Variants in AKAP6 observed in about 807,000 individuals in gnomAD.
AKAP6 encodes the protein A-kinase anchor protein 6.
In AKAP6, 58 loss-of-function variants were observed where a neutral mutation model predicts 188.5. The ratio of observed to expected loss-of-function variants is 0.31; its 90% CI spans 0.25 to 0.38. The LOEUF (loss-of-function observed/expected upper bound fraction) is 0.38. AKAP6 is among the 10% of genes least tolerant of loss of function. AKAP6 has a pLI of 1.00. For synonymous variants in AKAP6, 989 were observed against 998.6 expected (o/e 0.99, Z 0.18); for missense variants, 2,710 against 2,740.0 (o/e 0.99, Z 0.24).
chr14:32,417,762 T>A (rs1889710351), intron 1 of AKAP6: 1 of 146,550 alleles, frequency 6.8e-6, no homozygotes, highest in African/African-American at 2.8e-5. Flanking sequence ...TTCTTCAGGC[T>A]TTTTTTTGTA....
At chr14:32,701,834 A>G (rs376793105) in intron 9 of AKAP6, among the ~76,000 whole-genome samples, 5 of 152,280 alleles carry the variant, frequency 3.3e-5, no homozygotes, top group South Asian at 4.1e-4. Flanking sequence ...TTGAGCCCCT[A>G]AAAGTGTAAT....
intron 2 of AKAP6, among the ~76,000 whole-genome samples, chr14:32,478,909 A>C (rs559860754): frequency 5.9e-5 from 9 of 152,288 alleles, no homozygotes; most frequent in African/African-American, 1.9e-4. Context: ...TCAGAATAAA[A>C]TTAGTATCCA....
At chr14:32,389,626 A>G (rs777815720) in intron 1 of AKAP6, among the ~76,000 whole-genome samples, 9 of 152,014 alleles carry the variant, frequency 5.9e-5, no homozygotes, top group South Asian at 2.1e-4. Context: ...TTGGATATAA[A>G]ATTTTTGGCT....
At chr14:32,604,554 C>A (rs1412798067) in intron 7 of AKAP6, among the ~76,000 whole-genome samples, 5 of 152,162 alleles carry the variant, frequency 3.3e-5, no homozygotes, top group Non-Finnish European at 7.3e-5. Flanking sequence ...CTTGGGCAAA[C>A]ACATATAATA....
At chr14:32,716,830 G>T (rs1163808876) in intron 9 of AKAP6, among the ~76,000 whole-genome samples, 1 of 151,794 alleles carries the variant, frequency 6.6e-6, no homozygotes, top group Non-Finnish European at 1.5e-5. Context: ...TGGGAAATTT[G>T]CAGTCTTGCT....
intron 12 of AKAP6, among the ~76,000 whole-genome samples, chr14:32,811,556 C>T (rs761923892): frequency 7.9e-5 from 12 of 152,096 alleles, no homozygotes; most frequent in Admixed American, 7.2e-4. Context: ...TGGGGACTTG[C>T]GTGATTGGCA....
At chr14:32,618,895 G>T (rs1047459083) in intron 7 of AKAP6, among the ~76,000 whole-genome samples, 1 of 151,922 alleles carries the variant, frequency 6.6e-6, no homozygotes, top group Non-Finnish European at 1.5e-5. Context: ...CATTCTGGCT[G>T]GGGTAAGGTG....
Position 32,454,948 on chromosome 14 carries a change from C to T in AKAP6, c.324+21131C>T, listed in dbSNP as rs115289362. Among the ~76,000 whole-genome samples, 562 of 136,760 alleles carry T rather than the reference C, an allele frequency of 4.1e-3. 19 individuals carry two copies. The highest frequency in any genetic ancestry group is 0.015 in the African/African-American group (501 of 33,186). 89.7% of individuals were successfully genotyped at this position (136,760 alleles called of 152,430 possible). ...CCTTCCCTGCTTTCTCTCTTCCTCT[C>T]TTCCTCTGTTTCTCCCTTTCTCCCT... On this transcript the variant is annotated intron_variant, in intron 2 of 13. Transcript: ENST00000280979.
intron 1 of AKAP6, among the ~76,000 whole-genome samples, chr14:32,329,734 CA>C (rs1886471086): frequency 6.6e-6 from 1 of 152,040 alleles, no homozygotes; most frequent in Admixed American, 6.6e-5. Flanking sequence ...AGTATTTAAG[CA>C]TTGTAAAAAT....
chr14:32,584,277 A>G lies in AKAP6; in HGVS notation c.2469+7035A>G, dbSNP rs1016010304. 3.9e-5 allele frequency among the ~76,000 whole-genome samples: 6 copies of G among 152,334 alleles called. No individual in the cohort carries two copies. In the Middle Eastern group the frequency reaches 0.01, roughly 259 times the overall value. Reference sequence around the variant, plus strand: ...TAACCTGGATGATTACTAAGTGACTAATGAGCAGGTAGCATATACAGCATA... The same window carrying G: ...TAACCTGGATGATTACTAAGTGACTGATGAGCAGGTAGCATATACAGCATA... On this transcript the variant is annotated intron_variant, in intron 5 of 13. Transcript: ENST00000280979.
At chr14:32,464,508 C>A (rs925504709) in intron 2 of AKAP6, among the ~76,000 whole-genome samples, 8 of 152,192 alleles carry the variant, frequency 5.3e-5, no homozygotes, top group African/African-American at 1.9e-4. Context: ...ATGATTATCT[C>A]AATAGATGCA....
intron 7 of AKAP6, among the ~76,000 whole-genome samples, chr14:32,665,125 A>G (rs1888869213): frequency 6.6e-6 from 1 of 151,934 alleles, no homozygotes; most frequent in Non-Finnish European, 1.5e-5. Flanking sequence ...GGGTGGGGAG[A>G]GTTCTCCCCA....
At chr14:32,776,841 G>A (rs1231700978) in intron 12 of AKAP6, among the ~76,000 whole-genome samples, 1 of 152,152 alleles carries the variant, frequency 6.6e-6, no homozygotes, top group Non-Finnish European at 1.5e-5. Context: ...TCTAAGTGGA[G>A]TCTAAGGAGG....
chr14:32,470,422 T>G (rs1878710906), intron 2 of AKAP6, among the ~76,000 whole-genome samples: 1 of 152,196 alleles, frequency 6.6e-6, no homozygotes, highest in Non-Finnish European at 1.5e-5. Flanking sequence ...TATCTTATTC[T>G]CATAAAAAGT....
intron 12 of AKAP6, among the ~76,000 whole-genome samples, chr14:32,786,693 A>G (rs796872723): frequency 9.9e-5 from 15 of 152,154 alleles, no homozygotes; most frequent in African/African-American, 3.4e-4. Context: ...TAACTCTCAT[A>G]TAAGTCCTCT....
intron 1 of AKAP6, among the ~76,000 whole-genome samples, chr14:32,410,107 C>T (rs1185704540): frequency 6.6e-6 from 1 of 151,944 alleles, no homozygotes; most frequent in Middle Eastern, 3.4e-3. Flanking sequence ...AAAGTCACCT[C>T]TTCTGGGAAA....
intron 2 of AKAP6, among the ~76,000 whole-genome samples, chr14:32,486,760 A>G (rs1037184202): frequency 2.0e-5 from 3 of 152,204 alleles, no homozygotes; most frequent in Non-Finnish European, 4.4e-5. Context: ...TGTCATCTGT[A>G]AACAGAGATA....
intron 1 of AKAP6, among the ~76,000 whole-genome samples, chr14:32,336,349 T>G (rs1364503115): frequency 3.9e-5 from 6 of 152,164 alleles, no homozygotes; most frequent in African/African-American, 1.4e-4. Context: ...CTTGTACCCC[T>G]GAACAATTCT....
intron 7 of AKAP6, among the ~76,000 whole-genome samples, chr14:32,625,616 C>T (rs548346166): frequency 3.5e-4 from 53 of 151,392 alleles, no homozygotes; most frequent in Non-Finnish European, 6.2e-4. Context: ...AACTATTTCA[C>T]TGCAGCCTGG....
Sources: gnomAD v4.1 joint callset for allele counts (sites outside exome capture counted in the v4.1 genomes callset) on GRCh38, gnomAD v4.1.1 for gene constraint, MANE v1.5 for transcripts, NCBI Gene and HGNC (gene_info 2026-07-23, HGNC 2026-07-21) for gene names.